CLTCL1: variants seen among roughly 807,000 people sequenced by gnomAD.
The protein encoded by CLTCL1 is clathrin heavy chain like 1.
Under a neutral mutation model 190.0 loss-of-function variants are expected in CLTCL1, and 159 were observed. The observed-to-expected ratio is 0.84, with a 90% CI of 0.74 to 0.95. The LOEUF is 0.95. Among genes scored for constraint, CLTCL1 ranks in the 40% least tolerant of loss-of-function variants. CLTCL1 has a pLI of 0.00. For missense variants in CLTCL1, 1,878 were observed against 2,033.4 expected (o/e 0.92, Z 1.47); for synonymous variants, 752 against 769.6 (o/e 0.98, Z 0.38).
chr22:19,290,342 T>C (rs2088063679), intron 1 of CLTCL1, among the ~76,000 whole-genome samples: 1 of 152,220 alleles, frequency 6.6e-6, no homozygotes, highest in Admixed American at 6.5e-5. Flanking sequence ...CTGCCTCAGT[T>C]ATCATGAGGA....
intron 19 of CLTCL1, among the ~76,000 whole-genome samples, chr22:19,211,702 G>C (rs2085226993): frequency 1.3e-5 from 2 of 151,366 alleles, no homozygotes; most frequent in South Asian, 4.2e-4. Flanking sequence ...AGGAGGCAGA[G>C]GTTGCAGTGA....
At position 19,198,699 on chromosome 22, in the gene CLTCL1, A is replaced by G. The variant is rs898068856; in HGVS notation, c.3873+1035T>C. ...CCATCCAGGCACTCCTATGCCCTCAAACCGGCTCCATTTTCCTCTATAACT... is the reference window on the plus strand; with the variant it reads ...CCATCCAGGCACTCCTATGCCCTCAGACCGGCTCCATTTTCCTCTATAACT... On this transcript the variant is annotated intron_variant, in intron 24 of 32. Coordinates refer to ENST00000427926, the MANE Select transcript of CLTCL1 (RefSeq NM_007098.4). The surrounding 1 kb of genome is among the most constrained non-coding windows in gnomAD (Gnocchi z 4.1). Among the ~76,000 whole-genome samples, 2 of 152,174 alleles carry G rather than the reference A, an allele frequency of 1.3e-5. No homozygotes were observed. The highest frequency in any genetic ancestry group is 1.5e-5 in the Non-Finnish European group (1 of 68,038).
At chr22:19,215,550 C>T (rs928907) in intron 19 of CLTCL1, among the ~76,000 whole-genome samples, 7,265 of 152,266 alleles carry the variant, frequency 0.048, 225 homozygotes, top group African/African-American at 0.092. Flanking sequence ...CACACTCCCA[C>T]CTCTATACTG....
chr22:19,235,582 T>TA (rs2086056152), intron 6 of CLTCL1, 114 bp downstream of exon 6: 1 of 969,596 alleles, frequency 1.0e-6, no homozygotes, highest in Admixed American at 2.3e-5. Context: ...TTAAGTTTAA[T>TA]AACAGGAACT....
intron 26 of CLTCL1, among the ~76,000 whole-genome samples, chr22:19,195,875 G>A (rs1008333003): frequency 1.3e-5 from 2 of 152,012 alleles, no homozygotes; most frequent in Non-Finnish European, 2.9e-5. Flanking sequence ...AAAAAGGTCC[G>A]ATGGTGAACA....
chr22:19,207,663 G>A, intron 22 of CLTCL1: 1 of 441,436 alleles, frequency 2.3e-6, no homozygotes, highest in Non-Finnish European at 4.0e-6. Context: ...GCAAGCGAGT[G>A]AAGCTTCATC....
At chr22:19,241,894 T>C (rs2086264039) in intron 4 of CLTCL1, among the ~76,000 whole-genome samples, 1 of 151,450 alleles carries the variant, frequency 6.6e-6, no homozygotes, top group Admixed American at 6.6e-5. Context: ...ACCACACTGG[T>C]GATTTCACAG....
intron 3 of CLTCL1, among the ~76,000 whole-genome samples, chr22:19,253,104 T>C (rs1236819440): frequency 6.6e-6 from 1 of 151,626 alleles, no homozygotes; most frequent in Non-Finnish European, 1.5e-5. Context: ...GTCCTTAAAA[T>C]ACAGTCTAAG....
At chr22:19,187,754 G>A (rs781794442) in intron 28 of CLTCL1, 26 bp from the exon 29 acceptor site, 2 of 1,609,240 alleles carry the variant, frequency 1.2e-6, no homozygotes, top group East Asian at 2.2e-5. Context: ...TTCTGTGAGG[G>A]ATGGGACACT....
chr22:19,220,150 T>C (rs1457749523), intron 17 of CLTCL1, 143 bp from the exon 18 acceptor site: 8 of 1,009,656 alleles, frequency 7.9e-6, no homozygotes, highest in Non-Finnish European at 1.2e-5. Flanking sequence ...TGCTTTGACA[T>C]GGGATGAGCA....
intron 3 of CLTCL1, among the ~76,000 whole-genome samples, chr22:19,243,852 C>T (rs1001237320): frequency 7.2e-5 from 11 of 151,866 alleles, no homozygotes; most frequent in African/African-American, 2.4e-4. Context: ...CGCCCGCCAC[C>T]ATGCCTGGCT....
chr22:19,192,171 T>C (rs2084531490), intron 26 of CLTCL1, among the ~76,000 whole-genome samples: 1 of 150,482 alleles, frequency 6.6e-6, no homozygotes, highest in South Asian at 2.1e-4. Flanking sequence ...GTTCATGCCA[T>C]TCTCCTGCCT....
At chr22:19,215,170 C>T (rs2085344557) in intron 19 of CLTCL1, among the ~76,000 whole-genome samples, 1 of 152,178 alleles carries the variant, frequency 6.6e-6, no homozygotes, top group African/African-American at 2.4e-5. Flanking sequence ...ACCTCAGGCA[C>T]CTTAATCCTG....
chr22:19,225,434 G>A lies in CLTCL1; in HGVS notation c.2128+19C>T, dbSNP rs575978040. 101 of 1,551,268 alleles carry A rather than the reference G, an allele frequency of 6.5e-5. No homozygotes were observed. In the Middle Eastern group the frequency reaches 8.1e-4, roughly 12 times the overall value. On this transcript the variant is annotated intron_variant, in intron 13 of 32. Transcript: ENST00000427926. Reference sequence around the variant, plus strand: ...GGTGTAGTCACATGGTGGGGTCGGCGAGAGGCTGCATGGTTTACCTTTGTA... The same window carrying A: ...GGTGTAGTCACATGGTGGGGTCGGCAAGAGGCTGCATGGTTTACCTTTGTA...
Position 19,219,945 on chromosome 22 carries a change from C to G in CLTCL1, c.2859G>C (p.Pro953=), listed in dbSNP as rs112057743. ...CCTCAAGGACGTGAGCCCAGAGCTCCGGATCCTTTCTGCATACCAGGTAGC... is the reference window on the plus strand; with the variant it reads ...CCTCAAGGACGTGAGCCCAGAGCTCGGGATCCTTTCTGCATACCAGGTAGC... ...EARYLVCRKD[P]ELWAHVLEET... is the part of the protein sequence containing the mutation. Residue 953 remains proline, a synonymous_variant, in exon 18 of 33, where the codon CCG becomes CCC. Coordinates refer to ENST00000427926, the MANE Select transcript of CLTCL1 (RefSeq NM_007098.4). 100 of 1,614,042 alleles carry G rather than the reference C, an allele frequency of 6.2e-5. No individual in the cohort carries two copies. The African/African-American group carries it at 8.5e-4, about 14-fold the overall frequency.
rs374875733 is a variant in CLTCL1, at chr22:19,230,097, G to GTTT, written c.1645-123_1645-122insAAA. The GTTT allele has an allele frequency of 7.0e-3, 3,919 of 563,394 alleles. 244 individuals carry two copies. Among genetic ancestry groups the GTTT allele is most frequent in the Non-Finnish European group, 8.1e-3 (3,102 of 384,836 alleles). 34.9% of individuals were successfully genotyped at this position (563,394 alleles called of 1,614,324 possible). On this transcript the variant is annotated intron_variant, in intron 10 of 32. Coordinates refer to ENST00000427926, the MANE Select transcript of CLTCL1 (RefSeq NM_007098.4). ...AATTCAGCAATTAGTTCCCTCCCTT[G>GTTT]GTTTTTTTTTTTTTTTTGAGATGGA...
At position 19,210,308 on chromosome 22, in the gene CLTCL1, T is replaced by C. The variant is rs782415215; in HGVS notation, c.3249+18A>G. 9 of 1,611,464 alleles carry C rather than the reference T, an allele frequency of 5.6e-6. No individual in the cohort carries two copies. The highest frequency in any genetic ancestry group is 6.8e-6 in the Non-Finnish European group (8 of 1,178,150). ...GCAGAAGGTGCTAGGTCCGACATGC[T>C]TACACTCAGCAGCCCACCTGGATTG... On this transcript the variant is annotated intron_variant, in intron 20 of 32. Coordinates refer to ENST00000427926, the MANE Select transcript of CLTCL1 (RefSeq NM_007098.4).
rs2087042238 is a variant in CLTCL1 at position 19,264,087 on chromosome 22, G to C, written c.251-9860C>G. ...AGACGGGATGATCATGTGAGGCCAA[G>C]AGTTTAAGACAGCCTGGGCAACATG... On this transcript the variant is annotated intron_variant, in intron 2 of 32. Transcript: ENST00000427926. Among the ~76,000 whole-genome samples, 4 of 152,070 alleles carry C rather than the reference G, an allele frequency of 2.6e-5. No homozygotes were observed. The South Asian group carries it at 8.3e-4, about 32-fold the overall frequency.
chr22:19,214,974 C>CG (rs1280756277), intron 19 of CLTCL1, among the ~76,000 whole-genome samples: 1 of 152,174 alleles, frequency 6.6e-6, no homozygotes, highest in African/African-American at 2.4e-5. Flanking sequence ...TTTTTACCTA[C>CG]GCATAAAACT....
Sources: allele counts gnomAD v4.1 joint callset (sites outside exome capture counted in the v4.1 genomes callset), GRCh38; gene constraint gnomAD v4.1.1; non-coding constraint Gnocchi (gnomAD v3.1); transcripts MANE v1.5; gene names NCBI Gene and HGNC (gene_info 2026-07-23, HGNC 2026-07-21).